The following ENTREP2 variants were observed in gnomAD, a reference collection of about 807,000 sequenced individuals.
ENTREP2 encodes protein ENTREP2.
the ENTREP2 span, chr15:29,123,541 G>A: frequency 1.3e-6 from 2 of 1,551,774 alleles, no homozygotes; most frequent in Non-Finnish European, 1.7e-6. Context: ...CCGCTCTTTG[G>A]AGGTCGCTGG....
chr15:29,480,358 A>C, the ENTREP2 span, among the ~76,000 whole-genome samples: 8 of 148,726 alleles, frequency 5.4e-5, no homozygotes, highest in African/African-American at 1.5e-4. Flanking sequence ...AAAAAAAAAA[A>C]AAAAAAAACC....
chr15:29,634,465 T>TGCTTTTTCTAC, the ENTREP2 span, among the ~76,000 whole-genome samples: 1 of 152,174 alleles, frequency 6.6e-6, no homozygotes, highest in African/African-American at 2.4e-5. Context: ...AAACCCAAAA[T>TGCTTTTTCTAC]GCTTTTTCTA....
At chr15:29,518,173 C>G in the ENTREP2 span, among the ~76,000 whole-genome samples, 1 of 152,136 alleles carries the variant, frequency 6.6e-6, no homozygotes, top group East Asian at 1.9e-4. Context: ...TACACTCCAG[C>G]CTGGGTGAAA....
the ENTREP2 span, among the ~76,000 whole-genome samples, chr15:29,660,690 T>C: frequency 6.6e-6 from 1 of 152,218 alleles, no homozygotes; most frequent in Non-Finnish European, 1.5e-5. Context: ...GCAAATACAC[T>C]CTGTGTGAAA....
chr15:29,199,817 T>C, the ENTREP2 span, among the ~76,000 whole-genome samples: 22 of 152,190 alleles, frequency 1.4e-4, no homozygotes, highest in Non-Finnish European at 2.5e-4. Context: ...CCCTAGATCT[T>C]TCTCCTATGT....
the ENTREP2 span, among the ~76,000 whole-genome samples, chr15:29,168,222 C>A: frequency 0.011 from 1,718 of 152,226 alleles, 34 homozygotes; most frequent in African/African-American, 0.039. Context: ...AAATAGGGTG[C>A]AGTGTATACT....
At chr15:29,128,953 T>G in the ENTREP2 span, 1 of 812,646 alleles carries the variant, frequency 1.2e-6, no homozygotes, top group East Asian at 2.7e-5. Flanking sequence ...TAAACTTGTC[T>G]CCTGGTGGGA....
the ENTREP2 span, among the ~76,000 whole-genome samples, chr15:29,427,623 C>A: frequency 2.0e-5 from 3 of 151,842 alleles, no homozygotes; most frequent in African/African-American, 4.8e-5. Context: ...CTCTCCTTCT[C>A]TGACTCTCCT....
At chr15:29,328,929 T>C in the ENTREP2 span, among the ~76,000 whole-genome samples, 3 of 152,210 alleles carry the variant, frequency 2.0e-5, no homozygotes, top group Admixed American at 6.5e-5. Context: ...GAATACCCTA[T>C]TCTAATACCC....
the ENTREP2 span, among the ~76,000 whole-genome samples, chr15:29,149,645 G>A: frequency 5.9e-5 from 9 of 152,318 alleles, no homozygotes; most frequent in South Asian, 1.4e-3. Flanking sequence ...CTTTAGAGCC[G>A]AGGAAACGGG....
chr15:29,458,812 G>A, the ENTREP2 span, among the ~76,000 whole-genome samples: 1 of 152,190 alleles, frequency 6.6e-6, no homozygotes, highest in Non-Finnish European at 1.5e-5. Context: ...CGTCTCCTCT[G>A]ACTCTTCAGG....
At chr15:29,562,226 C>A in the ENTREP2 span, among the ~76,000 whole-genome samples, 2 of 152,102 alleles carry the variant, frequency 1.3e-5, no homozygotes, top group African/African-American at 4.8e-5. Context: ...GACCCTGGGC[C>A]AGAGAGGAAA....
chr15:29,293,545 C>T, the ENTREP2 span, among the ~76,000 whole-genome samples: 13 of 152,128 alleles, frequency 8.5e-5, no homozygotes, highest in South Asian at 2.1e-4. Context: ...CATGAGCCAC[C>T]GCGCCCGGCC....
chr15:29,354,836 G>A, the ENTREP2 span, among the ~76,000 whole-genome samples: 1 of 152,040 alleles, frequency 6.6e-6, no homozygotes, highest in Non-Finnish European at 1.5e-5. Flanking sequence ...AGAAAAAACT[G>A]GTAAAAATAT....
At chr15:29,372,209 A>AC in the ENTREP2 span, among the ~76,000 whole-genome samples, 1 of 151,046 alleles carries the variant, frequency 6.6e-6, no homozygotes, top group South Asian at 2.1e-4. Flanking sequence ...AGCAAGACCA[A>AC]CCCCTCCTCT....
chr15:29,462,060 G>A, the ENTREP2 span, among the ~76,000 whole-genome samples: 2 of 152,096 alleles, frequency 1.3e-5, no homozygotes, highest in African/African-American at 4.8e-5. Flanking sequence ...GTTCATCCAT[G>A]GTGCAGCATG....
chr15:29,348,707 C>G, the ENTREP2 span, among the ~76,000 whole-genome samples: 2 of 152,096 alleles, frequency 1.3e-5, no homozygotes, highest in African/African-American at 4.8e-5. Flanking sequence ...AACTCCAGCC[C>G]CAGTAGGAAA....
the ENTREP2 span, among the ~76,000 whole-genome samples, chr15:29,343,027 T>TGGC: frequency 1.5e-5 from 2 of 130,886 alleles, no homozygotes; most frequent in Non-Finnish European, 3.3e-5. Context: ...TAAAAAGGAA[T>TGGC]GGGGGGGGTG....
the ENTREP2 span, among the ~76,000 whole-genome samples, chr15:29,190,829 G>C: frequency 6.6e-6 from 1 of 152,134 alleles, no homozygotes; most frequent in Non-Finnish European, 1.5e-5. Context: ...CCTCAAATTA[G>C]ACTATGGAAA....
Sources: allele counts gnomAD v4.1 joint callset (sites outside exome capture counted in the v4.1 genomes callset), GRCh38; gene constraint gnomAD v4.1.1; transcripts MANE v1.5; gene names NCBI Gene and HGNC (gene_info 2026-07-23, HGNC 2026-07-21).